KIAA2012: variants seen among roughly 807,000 people sequenced by gnomAD.
KIAA2012 encodes uncharacterized protein KIAA2012.
In KIAA2012, 125 loss-of-function variants were observed where a neutral mutation model predicts 150.6. That is an observed-to-expected ratio of 0.83 (90% CI 0.72 to 0.96). The LOEUF (loss-of-function observed/expected upper bound fraction) is 0.96, where lower values mean the gene tolerates loss of function less well. Ranked by LOEUF, KIAA2012 falls within the 40% of genes least tolerant of loss-of-function variation. The pLI, the probability that KIAA2012 is intolerant of heterozygous loss-of-function variation, is 0.00. For synonymous variants in KIAA2012, 462 were observed against 504.7 expected, an observed-to-expected ratio of 0.92 and a Z score of 1.13; for missense variants, 1,219 against 1,354.9, an observed-to-expected ratio of 0.90 and a Z score of 1.57.
intron 13 of KIAA2012, among the ~76,000 whole-genome samples, chr2:202,149,319 A>C (rs1691373494): frequency 6.6e-6 from 1 of 152,206 alleles, no homozygotes; most frequent in African/African-American, 2.4e-5. Context: ...CCCTTTGTGC[A>C]CAGAGGTTTG....
chr2:202,093,573 C>T (rs963775080), intron 4 of KIAA2012, among the ~76,000 whole-genome samples: 1 of 152,144 alleles, frequency 6.6e-6, no homozygotes, highest in Non-Finnish European at 1.5e-5. Context: ...ATCTGTTCCA[C>T]TCTTATATTC....
At chr2:202,135,559 T>C (rs540679270) in intron 12 of KIAA2012, among the ~76,000 whole-genome samples, 406 of 152,366 alleles carry the variant, frequency 2.7e-3, no homozygotes, top group African/African-American at 9.2e-3. Flanking sequence ...TACCAAGGTC[T>C]TGACCCAAGA....
At chr2:202,142,704 C>T (rs1380986842) in intron 13 of KIAA2012, among the ~76,000 whole-genome samples, 5 of 152,074 alleles carry the variant, frequency 3.3e-5, no homozygotes, top group Admixed American at 3.3e-4. Context: ...CAGGAATGAA[C>T]AAGGACAGCC....
rs1690118081 is a variant in KIAA2012 at position 202,104,032 on chromosome 2, AT to A, written c.1324+919del. Among the ~76,000 whole-genome samples the A allele has an allele frequency of 6.6e-6, 1 of 152,214 alleles. No homozygotes were observed. Among genetic ancestry groups the A allele is most frequent in the Non-Finnish European group, 1.5e-5 (1 of 68,042 alleles). ...TTCTTGGAGAGTTTGACTCCTGGGA[AT>A]CACACAGGCAGCCATTTTGTTCTAA... On this transcript the variant is annotated intron_variant, in intron 8 of 23. Transcript: ENST00000498697. This position sits in a 1 kb window ranked among gnomAD's most constrained non-coding sequence, Gnocchi z 4.3.
rs551474304 is a variant in KIAA2012, at chr2:202,103,818, A to C, written c.1324+704A>C. ...GTGGGCTTTTTAGGGGAGGCTTCTG[A>C]GTGACCTCTCATCCTGTGTCACAAG... On this transcript the variant is annotated intron_variant, in intron 8 of 23. Coordinates refer to ENST00000498697, the MANE Select transcript of KIAA2012 (RefSeq NM_001277372.4). 8.9e-4 allele frequency among the ~76,000 whole-genome samples: 135 copies of C among 152,302 alleles called. 1 individual carries two copies. The highest frequency in any genetic ancestry group is 2.9e-3 in the African/African-American group (120 of 41,574).
rs1309826475 is a variant in KIAA2012, at chr2:202,165,283, G to A, written c.2047-1G>A. ...TTCTTTGTTGTGTGTTAACCCAATA[G>A]GAAAGTGGAAATGCACTGGACTATC... On this transcript the variant is annotated splice_acceptor_variant, in intron 14 of 23. Coordinates refer to ENST00000498697, the MANE Select transcript of KIAA2012 (RefSeq NM_001277372.4). LOFTEE classifies it high-confidence loss of function. The A allele has an allele frequency of 6.5e-7, 1 of 1,550,076 alleles. No homozygotes were observed. The highest frequency in any genetic ancestry group is 8.7e-7 in the Non-Finnish European group (1 of 1,146,598).
At chr2:202,102,552 TCAAA>T (rs1464649396) in intron 7 of KIAA2012, among the ~76,000 whole-genome samples, 1 of 152,244 alleles carries the variant, frequency 6.6e-6, no homozygotes, top group African/African-American at 2.4e-5. Context: ...GAAAGCTTGC[TCAAA>T]CAATGTTCTG....
intron 22 of KIAA2012, chr2:202,201,723 C>A: frequency 6.6e-7 from 1 of 1,510,908 alleles, no homozygotes; most frequent in South Asian, 1.1e-5. Flanking sequence ...ACTGTGGCAG[C>A]CCCTGGGGTG....
chr2:202,134,812 C>T (rs1691028005), intron 12 of KIAA2012, among the ~76,000 whole-genome samples: 1 of 152,254 alleles, frequency 6.6e-6, no homozygotes, highest in African/African-American at 2.4e-5. Context: ...GCCTTGGCCT[C>T]CCAAAGTGCT....
chr2:202,143,627 G>A (rs985119929), intron 13 of KIAA2012, among the ~76,000 whole-genome samples: 19 of 151,098 alleles, frequency 1.3e-4, no homozygotes, highest in African/African-American at 4.4e-4. Context: ...AGGAGAGCTG[G>A]TTTTATTCAA....
At chr2:202,138,798 G>T (rs371051084) in intron 13 of KIAA2012, among the ~76,000 whole-genome samples, 6 of 152,310 alleles carry the variant, frequency 3.9e-5, no homozygotes, top group African/African-American at 1.4e-4. Flanking sequence ...CAGAAAGGTG[G>T]CATCCAGTGA....
At chr2:202,102,398 A>T (rs1690068926) in intron 7 of KIAA2012, among the ~76,000 whole-genome samples, 1 of 152,238 alleles carries the variant, frequency 6.6e-6, no homozygotes, top group East Asian at 1.9e-4. Flanking sequence ...CACTATTATA[A>T]TTGCATATAT....
At chr2:202,186,877 T>C in intron 16 of KIAA2012, 56 bp from the exon 17 acceptor site, 1 of 1,527,744 alleles carries the variant, frequency 6.5e-7, no homozygotes, top group Non-Finnish European at 8.8e-7. Flanking sequence ...CTTGCCCTCT[T>C]TCTTTCCACC....
Position 202,073,509 on chromosome 2 carries a change from C to A in KIAA2012, c.-119C>A. The A allele has an allele frequency of 2.7e-6, 2 of 744,178 alleles. No individual in the cohort carries two copies. Among genetic ancestry groups the A allele is most frequent in the Non-Finnish European group, 2.2e-6 (1 of 450,772 alleles). 46.1% of individuals were successfully genotyped at this position (744,178 alleles called of 1,614,324 possible). On this transcript the variant is annotated 5_prime_UTR_variant, in exon 1 of 24. Transcript: ENST00000498697. ...AGGGAAAAATGTATTTAATAAAAGGCCCTGTGTTTGTGGTCTTCTTGGGCT... is the reference window on the plus strand; with the variant it reads ...AGGGAAAAATGTATTTAATAAAAGGACCTGTGTTTGTGGTCTTCTTGGGCT...
intron 12 of KIAA2012, among the ~76,000 whole-genome samples, chr2:202,131,027 T>C (rs1001034857): frequency 2.0e-5 from 3 of 152,268 alleles, no homozygotes; most frequent in African/African-American, 7.2e-5. Context: ...TACATCTCTC[T>C]GTGGCCTGAG....
chr2:202,129,384 T>C (rs919451585), intron 12 of KIAA2012, among the ~76,000 whole-genome samples: 1 of 151,984 alleles, frequency 6.6e-6, no homozygotes, highest in East Asian at 1.9e-4. Context: ...CGCACCCGGC[T>C]AATTTTTGTA....
chr2:202,179,779 G>A (rs550618917), intron 15 of KIAA2012: 11 of 630,268 alleles, frequency 1.7e-5, no homozygotes, highest in East Asian at 1.6e-4. Context: ...AGCCACAGCA[G>A]TGGGAAAGAA....
intron 14 of KIAA2012, among the ~76,000 whole-genome samples, chr2:202,161,458 A>G (rs1449108452): frequency 6.6e-6 from 1 of 152,054 alleles, no homozygotes; most frequent in African/African-American, 2.4e-5. Flanking sequence ...AACATGTGCA[A>G]TTTTTCTTAA....
chr2:202,199,126 G>A (rs573275408), intron 22 of KIAA2012, among the ~76,000 whole-genome samples: 68 of 152,308 alleles, frequency 4.5e-4, no homozygotes, highest in Admixed American at 1.1e-3. Context: ...CCAAGTAGCC[G>A]AAAGCAGAAA....
Sources: gnomAD v4.1 joint callset for allele counts (sites outside exome capture counted in the v4.1 genomes callset) on GRCh38, gnomAD v4.1.1 for gene constraint, Gnocchi (gnomAD v3.1) non-coding constraint, MANE v1.5 for transcripts, NCBI Gene and HGNC (gene_info 2026-07-23, HGNC 2026-07-21) for gene names.